The following ATG2B variants were observed in gnomAD, a reference collection of about 807,000 sequenced individuals.
ATG2B encodes the protein autophagy-related protein 2 homolog B.
ATG2B carries 121 observed loss-of-function variants against 241.3 expected under a neutral mutation model. That is an observed-to-expected ratio of 0.50 (90% CI 0.43 to 0.58). The LOEUF (loss-of-function observed/expected upper bound fraction) is 0.58, where lower values mean the gene tolerates loss of function less well. Among genes scored for constraint, ATG2B ranks in the 20% least tolerant of loss-of-function variants. The probability of loss-of-function intolerance (pLI) is 0.00; values close to 1 mark genes in which losing one functional copy is unlikely to be tolerated. For missense variants in ATG2B, 2,306 were observed against 2,491.6 expected (o/e 0.93, Z 1.59); for synonymous variants, 858 against 876.6 (o/e 0.98, Z 0.37).
At position 96,309,601 on chromosome 14, in the gene ATG2B, C is replaced by A; in HGVS notation, c.4162-7G>T. 3 of 1,587,484 alleles carry A rather than the reference C, an allele frequency of 1.9e-6. No homozygotes were observed. The highest frequency in any genetic ancestry group is 2.6e-6 in the Non-Finnish European group (3 of 1,167,272). On this transcript the variant is annotated splice_region_variant and splice_polypyrimidine_tract_variant and intron_variant, in intron 28 of 41. Transcript: ENST00000359933. ...ATCGACCACTGGAATCTACCTATAG[C>A]CAAAAAACCTAATTAAAAATAACTG...
intron 32 of ATG2B, 47 bp downstream of exon 32, chr14:96,304,448 C>T (rs1368792277): frequency 1.6e-5 from 23 of 1,447,790 alleles, no homozygotes; most frequent in East Asian, 1.4e-4. Flanking sequence ...AAGAACCCCC[C>T]GCCAATATCC....
At chr14:96,338,543 C>T (rs1335150489) in intron 6 of ATG2B, among the ~76,000 whole-genome samples, 2 of 151,950 alleles carry the variant, frequency 1.3e-5, no homozygotes, top group Admixed American at 1.3e-4. Flanking sequence ...TTGGTTAAAA[C>T]ACCCCCTATT....
chr14:96,300,858 T>C (rs1471320612), intron 34 of ATG2B, among the ~76,000 whole-genome samples: 1 of 152,266 alleles, frequency 6.6e-6, no homozygotes, highest in Non-Finnish European at 1.5e-5. Flanking sequence ...ATTTTTTGTT[T>C]ATAAATATTA....
Position 96,341,693 on chromosome 14 carries a change from C to CTCA in ATG2B, c.750_752dup (p.Thr250_Glu251insAsp). On this transcript the variant is annotated inframe_insertion, in exon 6 of 42. Coordinates refer to ENST00000359933, the MANE Select transcript of ATG2B (RefSeq NM_018036.7). ...GGTTCCAGCTAGGTGAGAGCTTTGG[C>CTCA]TCAGTTTCCTACAATAAAGTGACAA... The CTCA allele has an allele frequency of 6.4e-7, 1 of 1,562,596 alleles. No individual in the cohort carries two copies. Among genetic ancestry groups the CTCA allele is most frequent in the Non-Finnish European group, 8.7e-7 (1 of 1,153,548 alleles).
chr14:96,326,065 C>T (rs1887581171), intron 14 of ATG2B, 143 bp from the exon 15 acceptor site: 1 of 786,802 alleles, frequency 1.3e-6, no homozygotes, highest in East Asian at 2.9e-5. Flanking sequence ...TAACCACTAC[C>T]ATATTAATTT....
At chr14:96,361,575 A>G (rs1888629085) in intron 1 of ATG2B, among the ~76,000 whole-genome samples, 1 of 152,184 alleles carries the variant, frequency 6.6e-6, no homozygotes, top group African/African-American at 2.4e-5. Context: ...CAGAATCCCT[A>G]TCTTTTGGAA....
In ATG2B at chr14:96,284,049, G is replaced by C. The variant is rs1250440049; in HGVS notation, c.*1706C>G. 1 of 152,194 alleles carries C rather than the reference G, an allele frequency of 6.6e-6. No individual in the cohort carries two copies. The highest frequency in any genetic ancestry group is 3.2e-3 in the Middle Eastern group (1 of 316). 9.4% of individuals were successfully genotyped at this position (152,194 alleles called of 1,614,324 possible). On this transcript the variant is annotated 3_prime_UTR_variant, in exon 42 of 42. Coordinates refer to ENST00000359933, the MANE Select transcript of ATG2B (RefSeq NM_018036.7). ...AGTTAGACAGATTTTACAATTTTAA[G>C]TTTGATCAAGTGTTTTCCAGTTTGA...
intron 1 of ATG2B, among the ~76,000 whole-genome samples, chr14:96,362,062 C>CA (rs928042410): frequency 1.7e-4 from 26 of 152,122 alleles, no homozygotes; most frequent in Admixed American, 3.9e-4. Flanking sequence ...TCAGATGAAG[C>CA]ACCTGTATAG....
chr14:96,309,029 C>T (rs899498781), intron 29 of ATG2B, among the ~76,000 whole-genome samples: 35 of 152,198 alleles, frequency 2.3e-4, no homozygotes, highest in Admixed American at 2.3e-3. Flanking sequence ...CCTTCTCCTC[C>T]CTCTTTACAT....
chr14:96,358,820 G>A (rs1888548661), intron 1 of ATG2B, among the ~76,000 whole-genome samples: 1 of 151,916 alleles, frequency 6.6e-6, no homozygotes, highest in East Asian at 1.9e-4. Context: ...TAAAAGTGGA[G>A]ACACCTGAAC....
chr14:96,305,702 G>A lies in ATG2B; in HGVS notation c.4620C>T (p.His1540=). 1 of 1,614,174 alleles carries A rather than the reference G, an allele frequency of 6.2e-7. No homozygotes were observed. Among genetic ancestry groups the A allele is most frequent in the Non-Finnish European group, 8.5e-7 (1 of 1,180,002 alleles). The change falls in exon 31 of 42, where the codon CAC becomes CAT. Residue 1540 remains histidine (H), a synonymous_variant. Transcript: ENST00000359933. ...NKTDTSKAPL[H]FPIPVIRYVV... is the part of the protein sequence containing the mutation. ...CATAGCGAATCACAGGAATGGGAAA[G>A]TGTAAGGGGGCTTTGCTCGTATCGG...
chr14:96,298,857 C>T (rs1464739639), intron 34 of ATG2B, among the ~76,000 whole-genome samples: 4 of 152,158 alleles, frequency 2.6e-5, no homozygotes, highest in Non-Finnish European at 5.9e-5. Flanking sequence ...TCTGTGAAAC[C>T]TCCATTGAAC....
chr14:96,313,162 T>G lies in ATG2B; in HGVS notation c.3750-5A>C, dbSNP rs1887208881. 1 of 1,604,512 alleles carries G rather than the reference T, an allele frequency of 6.2e-7. No homozygotes were observed. The highest frequency in any genetic ancestry group is 2.2e-5 in the East Asian group (1 of 44,748). On this transcript the variant is annotated splice_polypyrimidine_tract_variant and splice_region_variant and intron_variant, in intron 24 of 41. Coordinates refer to ENST00000359933, the MANE Select transcript of ATG2B (RefSeq NM_018036.7). ...CGGATTGGCAAATAAAGGGGTCTAA[T>G]GCCAAAGAGAAACAAAAGAACATCA... is the stretch of plus-strand genomic sequence containing the variant.
intron 1 of ATG2B, among the ~76,000 whole-genome samples, chr14:96,357,363 C>T (rs1489138692): frequency 6.6e-6 from 1 of 152,150 alleles, no homozygotes; most frequent in Non-Finnish European, 1.5e-5. Context: ...GCAGTTCCAT[C>T]TCCTGCCACT....
At chr14:96,300,843 C>T (rs770321108) in intron 34 of ATG2B, among the ~76,000 whole-genome samples, 10 of 152,178 alleles carry the variant, frequency 6.6e-5, no homozygotes, top group Non-Finnish European at 1.0e-4. Flanking sequence ...TCTAAGACAG[C>T]GCCTATTTTT....
In ATG2B at chr14:96,304,588, C is replaced by T. The variant is rs201818908; in HGVS notation, c.4749G>A (p.Ser1583=). The change falls in exon 32 of 42, where the codon TCG becomes TCA. Residue 1583 remains serine (S), a synonymous_variant. Coordinates refer to ENST00000359933, the MANE Select transcript of ATG2B (RefSeq NM_018036.7). ...CATGTCTCGTGGGTGTGTGAGAAGG[C>T]GAACTGTGGGGACTACTAAAAATGA... ...PAKSYISPHS[S]PSHTPTRHGR... is the part of the protein sequence containing the mutation. The T allele has an allele frequency of 3.6e-5, 57 of 1,591,724 alleles. No individual in the cohort carries two copies. In the Admixed American group the frequency reaches 4.5e-4, roughly 12 times the overall value.
In ATG2B at chr14:96,285,972, G is replaced by A. The variant is rs777735457; in HGVS notation, c.6020C>T (p.Thr2007Met). The A allele has an allele frequency of 2.8e-5, 45 of 1,612,780 alleles. No individual in the cohort carries two copies. Among genetic ancestry groups the A allele is most frequent in the East Asian group, 6.7e-5 (3 of 44,870 alleles). Residue 2007 changes from threonine (T) to methionine (M), a missense_variant, in exon 42 of 42, where the codon ACG becomes ATG. By Grantham distance (81) the Thr-to-Met change is moderately conservative. This residue lies in a region of ATG2B where 379 missense variants were observed against 480.4 expected (regional missense o/e 0.79). Coordinates refer to ENST00000359933, the MANE Select transcript of ATG2B (RefSeq NM_018036.7). This position sits in a 1 kb window ranked among gnomAD's most constrained non-coding sequence, Gnocchi z 4.2. ...YSVVKEGITD[T>M]AQTIYETAAR... ...CGCAGTTTCATAAATGGTCTGAGCC[G>A]TGTCTGTGATTCCCTGCGTAGAGGA... is the stretch of plus-strand genomic sequence containing the variant.
At chr14:96,340,504 T>C (rs1318125694) in intron 6 of ATG2B, among the ~76,000 whole-genome samples, 1 of 151,920 alleles carries the variant, frequency 6.6e-6, no homozygotes, top group Non-Finnish European at 1.5e-5. Flanking sequence ...GGGGATCTCA[T>C]GAAGATTCCC....
Position 96,289,901 on chromosome 14 carries a change from G to C in ATG2B, c.5857-96C>G, listed in dbSNP as rs1415409473. The C allele has an allele frequency of 7.7e-7, 1 of 1,292,272 alleles. No individual in the cohort carries two copies. Among genetic ancestry groups the C allele is most frequent in the East Asian group, 2.4e-5 (1 of 41,392 alleles). The allele number at this position is 1,292,272 out of a possible 1,614,324, so 80.1% of individuals were successfully genotyped here. A position where few individuals can be genotyped will look rare whatever the true frequency, so the allele number is the denominator to read the frequency against. ...TTCCTACAGGGAGTGAGGAAGAGCA[G>C]AGGAACTCACAAACCCTAATGAAGA... On this transcript the variant is annotated intron_variant, in intron 40 of 41. Coordinates refer to ENST00000359933, the MANE Select transcript of ATG2B (RefSeq NM_018036.7). This position sits in a 1 kb window ranked among gnomAD's most constrained non-coding sequence, Gnocchi z 4.3.
Sources: gnomAD v4.1 joint callset for allele counts (sites outside exome capture counted in the v4.1 genomes callset) on GRCh38, gnomAD v4.1.1 for gene constraint, gnomAD v4.1.1 regional missense constraint, Gnocchi (gnomAD v3.1) non-coding constraint, MANE v1.5 for transcripts, NCBI Gene and HGNC (gene_info 2026-07-23, HGNC 2026-07-21) for gene names.